The following HERC1 variants were observed in gnomAD, a reference collection of about 807,000 sequenced individuals.
The protein encoded by HERC1 is HECT and RLD domain containing E3 ubiquitin protein ligase family member 1.
In HERC1, 160 loss-of-function variants were observed where a neutral mutation model predicts 554.3. The ratio of observed to expected loss-of-function variants is 0.29; its 90% CI spans 0.25 to 0.33. HERC1 has a LOEUF of 0.33. Ranked by LOEUF, HERC1 falls within the 10% of genes least tolerant of loss-of-function variation. The pLI, the probability that HERC1 is intolerant of heterozygous loss-of-function variation, is 1.00. For missense variants in HERC1, 4,919 were observed against 5,918.5 expected (o/e 0.83, Z 5.54); for synonymous variants, 2,175 against 2,131.7 (o/e 1.02, Z -0.56).
chr15:63,831,114 A>G lies in HERC1; in HGVS notation c.-27+2713T>C, dbSNP rs562077853. ...CCTTTGTTGTTGTTTGTTTTGTTTT[A>G]TTTTGCTTTTGAGATAGAGTCTCAC... On this transcript the variant is annotated intron_variant, in intron 1 of 77. Coordinates refer to ENST00000443617, the MANE Select transcript of HERC1 (RefSeq NM_003922.4). 1.1e-3 allele frequency among the ~76,000 whole-genome samples: 172 copies of G among 152,100 alleles called. 1 individual carries two copies. Among genetic ancestry groups the G allele is most frequent in the African/African-American group, 4.1e-3 (170 of 41,476 alleles).
Position 63,654,136 on chromosome 15 carries a change from C to A in HERC1, c.10273G>T (p.Glu3425Ter), listed in dbSNP as rs1382401604. The A allele has an allele frequency of 6.2e-7, 1 of 1,613,370 alleles. No individual in the cohort carries two copies. The change falls in exon 51 of 78, where the codon GAG (glutamate) becomes TAG (stop). Residue 3425 changes from glutamate (E) to a stop codon, truncating the protein, a stop_gained. Coordinates refer to ENST00000443617, the MANE Select transcript of HERC1 (RefSeq NM_003922.4). LOFTEE classifies it high-confidence loss of function. ...DLRKCSFIKL[E>*]AHQNRVMTCV... ...ATACTTACTCTGTTCTGATGAGCCTCCAATTTGATAAAGGAGCATTTTCTA... is the reference window on the plus strand; with the variant it reads ...ATACTTACTCTGTTCTGATGAGCCTACAATTTGATAAAGGAGCATTTTCTA...
intron 25 of HERC1, among the ~76,000 whole-genome samples, chr15:63,706,438 T>C (rs1322126246): frequency 6.6e-6 from 1 of 152,076 alleles, no homozygotes; most frequent in Non-Finnish European, 1.5e-5. Context: ...ACATGGAAAA[T>C]TTTGTAAATA....
chr15:63,733,290 C>A, intron 13 of HERC1, 145 bp from the exon 14 acceptor site: 1 of 604,564 alleles, frequency 1.7e-6, no homozygotes, highest in Non-Finnish European at 2.9e-6. Flanking sequence ...ATAAAAACTA[C>A]CCAATTAATC....
intron 1 of HERC1, among the ~76,000 whole-genome samples, chr15:63,782,988 T>C (rs1030567465): frequency 6.6e-6 from 1 of 151,946 alleles, no homozygotes; most frequent in Non-Finnish European, 1.5e-5. Flanking sequence ...GGATGAGGAG[T>C]TGCTTCTTAT....
chr15:63,827,208 T>C (rs1188275867), intron 1 of HERC1, among the ~76,000 whole-genome samples: 2 of 152,132 alleles, frequency 1.3e-5, no homozygotes, highest in Non-Finnish European at 2.9e-5. Flanking sequence ...GAGGATCACT[T>C]GAGCCCAGGA....
chr15:63,629,444 C>A (rs1023773012), intron 69 of HERC1, among the ~76,000 whole-genome samples: 5 of 152,142 alleles, frequency 3.3e-5, no homozygotes, highest in Non-Finnish European at 7.3e-5. Context: ...ATCTATGGAG[C>A]TTTTACTTAA....
chr15:63,679,999 A>C (rs1595957158), intron 36 of HERC1, 78 bp downstream of exon 36: 1 of 971,608 alleles, frequency 1.0e-6, no homozygotes, highest in East Asian at 2.7e-5. Flanking sequence ...GAAATAGCTT[A>C]TTATATTTAT....
At position 63,624,144 on chromosome 15, in the gene HERC1, A is replaced by G. The variant is rs777563355; in HGVS notation, c.13445+14T>C. The G allele has an allele frequency of 2.5e-6, 4 of 1,589,836 alleles. No homozygotes were observed. In the East Asian group the frequency reaches 9.0e-5, roughly 36 times the overall value. Reference sequence around the variant, plus strand: ...ATCACAGCTCATTAGTCAAACACACATACATATGCTAACCTGGTTGATATC... The same window carrying G: ...ATCACAGCTCATTAGTCAAACACACGTACATATGCTAACCTGGTTGATATC... On this transcript the variant is annotated intron_variant, in intron 72 of 77. Transcript: ENST00000443617.
chr15:63,826,994 T>C lies in HERC1; in HGVS notation c.-27+6833A>G, dbSNP rs116890874. On this transcript the variant is annotated intron_variant, in intron 1 of 77. Coordinates refer to ENST00000443617, the MANE Select transcript of HERC1 (RefSeq NM_003922.4). ...GAACCAGCAATCACACTTACAGAAA[T>C]CTACCTTGAAGATACGGTTCTAACG... Among the ~76,000 whole-genome samples, 499 of 151,562 alleles carry C rather than the reference T, an allele frequency of 3.3e-3. 15 individuals are homozygous for C. In the East Asian group the frequency reaches 0.043, roughly 13 times the overall value.
At chr15:63,713,716 C>A in intron 22 of HERC1, 51 bp from the exon 23 acceptor site, 2 of 1,465,552 alleles carry the variant, frequency 1.4e-6, no homozygotes, top group East Asian at 2.4e-5. Context: ...GAGAGAAGAG[C>A]AAAGAAAATA....
In HERC1 at chr15:63,646,681, G is replaced by A. The variant is rs373636527; in HGVS notation, c.10879-999C>T. On this transcript the variant is annotated intron_variant, in intron 55 of 77. Coordinates refer to ENST00000443617, the MANE Select transcript of HERC1 (RefSeq NM_003922.4). Reference sequence around the variant, plus strand: ...AAATTAGCCGGGAGTGGTGGCGGGCGCCTGTAATCCCAGCTACTCAGGAGG... The same window carrying A: ...AAATTAGCCGGGAGTGGTGGCGGGCACCTGTAATCCCAGCTACTCAGGAGG... 1.0e-3 allele frequency among the ~76,000 whole-genome samples: 159 copies of A among 151,734 alleles called. 8 individuals carry two copies. The South Asian group carries it at 0.032, about 30-fold the overall frequency.
intron 25 of HERC1, among the ~76,000 whole-genome samples, chr15:63,703,425 T>C (rs556284130): frequency 1.3e-5 from 2 of 152,368 alleles, no homozygotes; most frequent in South Asian, 4.1e-4. Flanking sequence ...CATTTATACA[T>C]CCATTAAACT....
intron 25 of HERC1, 22 bp from the exon 26 acceptor site, chr15:63,699,018 A>G (rs777921903): frequency 6.3e-7 from 1 of 1,581,952 alleles, no homozygotes; most frequent in Admixed American, 1.7e-5. Context: ...CAGAATAAAC[A>G]TATATCAATG....
At chr15:63,653,048 G>A (rs2152897196) in intron 51 of HERC1, among the ~76,000 whole-genome samples, 1 of 152,240 alleles carries the variant, frequency 6.6e-6, no homozygotes, top group Non-Finnish European at 1.5e-5. Flanking sequence ...AATTATCTGA[G>A]ACCTATTATA....
intron 21 of HERC1, among the ~76,000 whole-genome samples, chr15:63,716,876 G>A (rs763938758): frequency 2.0e-5 from 3 of 152,036 alleles, no homozygotes; most frequent in Non-Finnish European, 4.4e-5. Context: ...CTATTACTCT[G>A]CATAAATGTT....
In HERC1 at chr15:63,704,734, ATT is replaced by A. The variant is rs567922548; in HGVS notation, c.4636+2044_4636+2045del. Among the ~76,000 whole-genome samples, 510 of 88,446 alleles carry A rather than the reference ATT, an allele frequency of 5.8e-3. 1 individual carries two copies. Among genetic ancestry groups the A allele is most frequent in the South Asian group, 0.015 (46 of 3,100 alleles). 58.0% of individuals were successfully genotyped at this position (88,446 alleles called of 152,430 possible). A position where few individuals can be genotyped will look rare whatever the true frequency, so the allele number is the denominator to read the frequency against. On this transcript the variant is annotated intron_variant, in intron 25 of 77. Coordinates refer to ENST00000443617, the MANE Select transcript of HERC1 (RefSeq NM_003922.4). ...TTTTTGATAATACAAATACTCTGTA[ATT>A]TTTTTTTTTTTTTTTTTTTTGAGAT... is the stretch of plus-strand genomic sequence containing the variant.
intron 42 of HERC1, 90 bp downstream of exon 42, chr15:63,665,829 C>A (rs550893749): frequency 8.7e-4 from 793 of 913,070 alleles, no homozygotes; most frequent in Non-Finnish European, 1.3e-3. Flanking sequence ...ACTTTACATA[C>A]AATTAGAAGC....
chr15:63,690,616 C>T lies in HERC1; in HGVS notation c.5862G>A (p.Arg1954=), dbSNP rs764966473. ...CTTCAAGGACATGAAGTGCAAGGAG[C>T]CTTGTTCTTAAGTTACCAACCAGAG... ...GIPLVGNLRT[R]LLALHVLEAV... Residue 1954 remains arginine, a synonymous_variant, in exon 32 of 78, where the codon AGG becomes AGA. Coordinates refer to ENST00000443617, the MANE Select transcript of HERC1 (RefSeq NM_003922.4). 1.4e-4 allele frequency: 225 copies of T among 1,612,198 alleles called. No individual in the cohort carries two copies. The highest frequency in any genetic ancestry group is 1.8e-4 in the Non-Finnish European group (213 of 1,178,644).
chr15:63,665,579 C>T (rs548441734), intron 42 of HERC1, among the ~76,000 whole-genome samples: 70 of 152,038 alleles, frequency 4.6e-4, no homozygotes, highest in Non-Finnish European at 7.6e-4. Context: ...AATCAATGTC[C>T]AATATTAAAA....
Sources: gnomAD v4.1 joint callset for allele counts (sites outside exome capture counted in the v4.1 genomes callset) on GRCh38, gnomAD v4.1.1 for gene constraint, MANE v1.5 for transcripts, NCBI Gene and HGNC (gene_info 2026-07-23, HGNC 2026-07-21) for gene names.